The following CAPN13 variants were observed in gnomAD, a reference collection of about 807,000 sequenced individuals.
CAPN13 encodes the protein calpain 13, also known as calpain-13.
Under a neutral mutation model 98.4 loss-of-function variants are expected in CAPN13, and 90 were observed. The ratio of observed to expected loss-of-function variants is 0.92; its 90% confidence interval spans 0.77 to 1.09. The LOEUF is 1.09. Among genes scored for constraint, CAPN13 ranks in the 50% least tolerant of loss-of-function variants. The probability of loss-of-function intolerance (pLI) is 0.00; values close to 1 mark genes in which losing one functional copy is unlikely to be tolerated. For missense variants in CAPN13, 887 were observed against 841.3 expected (o/e 1.05, Z -0.67); for synonymous variants, 330 against 305.5 (o/e 1.08, Z -0.84).
chr2:30,761,738 C>T (rs765869961), intron 7 of CAPN13, among the ~76,000 whole-genome samples: 5 of 152,294 alleles, frequency 3.3e-5, no homozygotes, highest in South Asian at 2.1e-4. Flanking sequence ...AATTACCTAT[C>T]GTCCAAAAAG....
intron 12 of CAPN13, among the ~76,000 whole-genome samples, chr2:30,745,469 G>A (rs1671860071): frequency 6.6e-6 from 1 of 152,156 alleles, no homozygotes; most frequent in South Asian, 2.1e-4. Context: ...CAGAGGCCAC[G>A]GGCCTGAGGA....
At chr2:30,799,297 T>C (rs532834953) in intron 1 of CAPN13, among the ~76,000 whole-genome samples, 5 of 152,312 alleles carry the variant, frequency 3.3e-5, no homozygotes, top group African/African-American at 1.2e-4. Flanking sequence ...TTATGTGAGA[T>C]GGTGTAAGTG....
chr2:30,778,701 G>A (rs912068175), intron 2 of CAPN13, among the ~76,000 whole-genome samples: 3 of 152,176 alleles, frequency 2.0e-5, no homozygotes, highest in African/African-American at 7.2e-5. Flanking sequence ...AAACGAAGGT[G>A]TGCCCGCCTG....
At chr2:30,760,804 G>A (rs923320795) in intron 7 of CAPN13, among the ~76,000 whole-genome samples, 2 of 152,156 alleles carry the variant, frequency 1.3e-5, no homozygotes, top group African/African-American at 2.4e-5. Context: ...GGGGTCACAC[G>A]CGAGGCCAAG....
chr2:30,798,521 T>G (rs145303160), intron 1 of CAPN13, among the ~76,000 whole-genome samples: 4 of 152,248 alleles, frequency 2.6e-5, no homozygotes, highest in Non-Finnish European at 4.4e-5. Context: ...CTGGTGTCCC[T>G]GTCCGCAGGA....
chr2:30,750,977 C>T, intron 11 of CAPN13, 126 bp downstream of exon 11: 1 of 1,072,106 alleles, frequency 9.3e-7, no homozygotes, highest in Non-Finnish European at 1.3e-6. Flanking sequence ...ATGCTACAGC[C>T]TCTTTGGGCT....
At chr2:30,782,560 G>A (rs1211863259) in intron 2 of CAPN13, among the ~76,000 whole-genome samples, 1 of 152,122 alleles carries the variant, frequency 6.6e-6, no homozygotes, top group Non-Finnish European at 1.5e-5. Context: ...TGGTCGCAAG[G>A]TGAGTCGTTT....
At chr2:30,733,597 G>C (rs1429633777) in intron 19 of CAPN13, among the ~76,000 whole-genome samples, 1 of 152,002 alleles carries the variant, frequency 6.6e-6, no homozygotes, top group Non-Finnish European at 1.5e-5. Flanking sequence ...CCCCTGATCA[G>C]AGGTGCAGCA....
chr2:30,779,741 T>C (rs1442578385), intron 2 of CAPN13, among the ~76,000 whole-genome samples: 1 of 151,906 alleles, frequency 6.6e-6, no homozygotes, highest in African/African-American at 2.4e-5. Flanking sequence ...GCCTCAAAAA[T>C]AGGAGGAAGA....
At chr2:30,733,622 G>A (rs990775544) in intron 19 of CAPN13, among the ~76,000 whole-genome samples, 1 of 152,056 alleles carries the variant, frequency 6.6e-6, no homozygotes, top group African/African-American at 2.4e-5. Context: ...GTGCTTTAAC[G>A]AGCCCTGAAG....
intron 15 of CAPN13, 58 bp from the exon 16 acceptor site, chr2:30,738,515 C>T: frequency 1.3e-6 from 2 of 1,511,996 alleles, no homozygotes; most frequent in Non-Finnish European, 1.8e-6. Context: ...CTGAGAGGCA[C>T]ATCTGCCTGC....
intron 22 of CAPN13, among the ~76,000 whole-genome samples, chr2:30,727,784 T>C (rs867816014): frequency 4.3e-4 from 66 of 152,250 alleles, no homozygotes; most frequent in African/African-American, 1.3e-3. Context: ...TTCCGTATGA[T>C]CCAGCAGTTC....
chr2:30,789,287 C>G (rs185830850), intron 1 of CAPN13, among the ~76,000 whole-genome samples: 107 of 152,300 alleles, frequency 7.0e-4, no homozygotes, highest in African/African-American at 2.6e-3. Context: ...TCTGTGCATG[C>G]TCGGGGACAG....
At chr2:30,754,151 G>T in intron 9 of CAPN13, 139 bp downstream of exon 9, 2 of 533,618 alleles carry the variant, frequency 3.7e-6, no homozygotes, top group Admixed American at 4.3e-5. Flanking sequence ...TTTGTGTCTT[G>T]GTAGAGAAAA....
At chr2:30,799,231 G>A (rs1675044455) in intron 1 of CAPN13, among the ~76,000 whole-genome samples, 1 of 152,170 alleles carries the variant, frequency 6.6e-6, no homozygotes, top group Admixed American at 6.5e-5. Context: ...AGAAAATTTT[G>A]TGTGTATACA....
chr2:30,768,566 A>G (rs1221570436), intron 5 of CAPN13, among the ~76,000 whole-genome samples: 1 of 152,096 alleles, frequency 6.6e-6, no homozygotes, highest in Non-Finnish European at 1.5e-5. Context: ...GGGCCTCTGC[A>G]TACCTTCCTG....
At chr2:30,785,061 C>CA (rs1271008907) in intron 2 of CAPN13, among the ~76,000 whole-genome samples, 1 of 152,230 alleles carries the variant, frequency 6.6e-6, no homozygotes, top group Non-Finnish European at 1.5e-5. Flanking sequence ...TACGTCAACT[C>CA]AGAGTTTCTT....
At chr2:30,733,470 A>T (rs1671203401) in intron 19 of CAPN13, among the ~76,000 whole-genome samples, 1 of 151,936 alleles carries the variant, frequency 6.6e-6, no homozygotes, top group Admixed American at 6.6e-5. Flanking sequence ...GTCATGTGTG[A>T]GGTCTTTCTA....
chr2:30,759,200 T>C (rs2148010812), intron 7 of CAPN13, among the ~76,000 whole-genome samples: 1 of 146,502 alleles, frequency 6.8e-6, no homozygotes, highest in East Asian at 2.2e-4. Context: ...CCTCCCTTCC[T>C]TCTTTACCCC....
Sources: gnomAD v4.1 joint callset for allele counts (sites outside exome capture counted in the v4.1 genomes callset) on GRCh38, gnomAD v4.1.1 for gene constraint, MANE v1.5 for transcripts, NCBI Gene and HGNC (gene_info 2026-07-23, HGNC 2026-07-21) for gene names.